The following ALK variants were observed in gnomAD, a reference collection of about 807,000 sequenced individuals.
ALK encodes the protein ALK tyrosine kinase receptor.
Under a neutral mutation model 163.1 loss-of-function variants are expected in ALK, and 74 were observed. The ratio of observed to expected loss-of-function variants is 0.45; its 90% confidence interval spans 0.38 to 0.55. The LOEUF is 0.55. Ranked by LOEUF, ALK falls within the 20% of genes least tolerant of loss-of-function variation. ALK has a pLI of 0.00. For missense variants in ALK, 2,063 were observed against 2,105.3 expected, an observed-to-expected ratio of 0.98 and a Z score of 0.39; for synonymous variants, 960 against 843.2, an observed-to-expected ratio of 1.14 and a Z score of -2.40.
intron 3 of ALK, among the ~76,000 whole-genome samples, chr2:29,606,974 G>T (rs1675558493): frequency 6.6e-6 from 1 of 152,230 alleles, no homozygotes; most frequent in Non-Finnish European, 1.5e-5. Context: ...TTGCAGCCAT[G>T]CATCTGCTTT....
chr2:29,771,760 G>T (rs896775144), intron 1 of ALK, among the ~76,000 whole-genome samples: 13 of 152,096 alleles, frequency 8.5e-5, no homozygotes, highest in Admixed American at 2.0e-4. Context: ...GGTCTCGATT[G>T]CCTGACCTCG....
chr2:29,883,516 C>T (rs2148419944), intron 1 of ALK, among the ~76,000 whole-genome samples: 1 of 152,312 alleles, frequency 6.6e-6, no homozygotes, highest in African/African-American at 2.4e-5. Context: ...ACTTGTCTAC[C>T]ACTGTATCTC....
At chr2:29,548,834 A>G (rs1573448070) in intron 3 of ALK, among the ~76,000 whole-genome samples, 2 of 151,850 alleles carry the variant, frequency 1.3e-5, no homozygotes, top group Admixed American at 6.6e-5. Flanking sequence ...CTTGGGGGGG[A>G]TGTTTTTCCT....
At chr2:29,738,480 T>A (rs1223971462) in intron 1 of ALK, among the ~76,000 whole-genome samples, 1 of 152,090 alleles carries the variant, frequency 6.6e-6, no homozygotes, top group African/African-American at 2.4e-5. Context: ...TACTACTTTG[T>A]TGTCACTCCA....
intron 2 of ALK, among the ~76,000 whole-genome samples, chr2:29,714,940 T>C (rs1679204539): frequency 6.6e-6 from 1 of 152,150 alleles, no homozygotes. Context: ...GCAGTGGGTC[T>C]TGGGGCAAGT....
chr2:29,531,356 C>T (rs1204510497), intron 4 of ALK, among the ~76,000 whole-genome samples: 2 of 152,082 alleles, frequency 1.3e-5, no homozygotes, highest in African/African-American at 2.4e-5. Context: ...AAGCAAGTAT[C>T]TCCAGAAAGC....
chr2:29,399,333 T>C (rs1186868144), intron 4 of ALK, among the ~76,000 whole-genome samples: 2 of 151,922 alleles, frequency 1.3e-5, no homozygotes, highest in African/African-American at 2.4e-5. Context: ...CAAGGGTGAG[T>C]CCTTGGGACA....
intron 3 of ALK, among the ~76,000 whole-genome samples, chr2:29,687,587 TG>T (rs1678276407): frequency 6.6e-6 from 1 of 152,042 alleles, no homozygotes; most frequent in Non-Finnish European, 1.5e-5. Context: ...TATATGACAA[TG>T]AACTCAAATT....
intron 23 of ALK, among the ~76,000 whole-genome samples, chr2:29,215,212 A>C (rs1669569329): frequency 6.6e-6 from 1 of 152,162 alleles, no homozygotes; most frequent in South Asian, 2.1e-4. Context: ...TGGGCTCTTT[A>C]GTCCTGAGGT....
chr2:29,470,820 C>T (rs1012907786), intron 4 of ALK, among the ~76,000 whole-genome samples: 6 of 151,710 alleles, frequency 4.0e-5, no homozygotes, highest in African/African-American at 7.3e-5. Context: ...AGGGAAAATA[C>T]GTGGAAATAT....
At chr2:29,212,574 G>A (rs1669493160) in intron 24 of ALK, among the ~76,000 whole-genome samples, 1 of 152,218 alleles carries the variant, frequency 6.6e-6, no homozygotes, top group Admixed American at 6.5e-5. Context: ...GCTCTTCTGA[G>A]AGTTGACTGC....
chr2:29,274,115 G>T (rs1358657439), intron 11 of ALK, among the ~76,000 whole-genome samples: 1 of 152,222 alleles, frequency 6.6e-6, no homozygotes, highest in Non-Finnish European at 1.5e-5. Context: ...GTGACGGTTA[G>T]CCCTGGGGCA....
At chr2:29,646,965 G>A (rs574561490) in intron 3 of ALK, among the ~76,000 whole-genome samples, 1 of 152,300 alleles carries the variant, frequency 6.6e-6, no homozygotes, top group South Asian at 2.1e-4. Flanking sequence ...GGGTCTGTGT[G>A]TATAAACCAG....
intron 1 of ALK, among the ~76,000 whole-genome samples, chr2:29,811,070 T>C (rs141255474): frequency 1.6e-3 from 251 of 152,220 alleles, no homozygotes; most frequent in African/African-American, 5.4e-3. Context: ...CCATGGTATG[T>C]TGTTATGGCA....
chr2:29,653,505 A>G (rs1677092075), intron 3 of ALK, among the ~76,000 whole-genome samples: 1 of 151,936 alleles, frequency 6.6e-6, no homozygotes, highest in South Asian at 2.1e-4. Context: ...CCTCTTGCTT[A>G]CCTAACTTAA....
At chr2:29,866,846 G>A (rs542610733) in intron 1 of ALK, among the ~76,000 whole-genome samples, 2 of 152,298 alleles carry the variant, frequency 1.3e-5, no homozygotes, top group East Asian at 1.9e-4. Context: ...AGCCTTGTGG[G>A]CAAGGCTCCT....
intron 4 of ALK, among the ~76,000 whole-genome samples, chr2:29,469,717 A>G (rs1229618105): frequency 1.3e-5 from 2 of 152,174 alleles, no homozygotes; most frequent in Non-Finnish European, 2.9e-5. Context: ...ATTTCTGCCA[A>G]TTCTATGCAG....
intron 1 of ALK, among the ~76,000 whole-genome samples, chr2:29,909,929 G>A (rs1258826796): frequency 7.9e-6 from 1 of 126,356 alleles, no homozygotes; most frequent in Admixed American, 8.6e-5. Context: ...TTTCAATGAA[G>A]ACAAAAATGT....
intron 25 of ALK, among the ~76,000 whole-genome samples, chr2:29,209,064 C>T (rs945062394): frequency 1.3e-5 from 2 of 152,168 alleles, no homozygotes; most frequent in South Asian, 2.1e-4. Flanking sequence ...GCATCCTGCC[C>T]GACCTGGGAT....
Sources: gnomAD v4.1 joint callset for allele counts (sites outside exome capture counted in the v4.1 genomes callset) on GRCh38, gnomAD v4.1.1 for gene constraint, MANE v1.5 for transcripts, NCBI Gene and HGNC (gene_info 2026-07-23, HGNC 2026-07-21) for gene names.